The following CACNG3 variants were observed in gnomAD, a reference collection of about 807,000 sequenced individuals.
The protein encoded by CACNG3 is voltage-dependent calcium channel gamma-3 subunit.
Under a neutral mutation model 28.5 loss-of-function variants are expected in CACNG3, and 3 were observed. The observed-to-expected ratio is 0.11, with a 90% CI of 0.05 to 0.27. The LOEUF is 0.27. CACNG3 is among the 10% of genes least tolerant of loss of function. The probability of loss-of-function intolerance (pLI) is 1.00; values close to 1 mark genes in which losing one functional copy is unlikely to be tolerated. For synonymous variants in CACNG3, 174 were observed against 162.2 expected, an observed-to-expected ratio of 1.07 and a Z score of -0.55; for missense variants, 236 against 414.4, an observed-to-expected ratio of 0.57 and a Z score of 3.74.
At chr16:24,299,370 C>T (rs1242990505) in intron 1 of CACNG3, among the ~76,000 whole-genome samples, 2 of 152,126 alleles carry the variant, frequency 1.3e-5, no homozygotes, top group Non-Finnish European at 2.9e-5. Flanking sequence ...TTGAAGCAGC[C>T]CCCATCAATG....
At chr16:24,317,627 ACAGACAGAAAGAAAGAAAAGAAAAGAAAG>A (rs1899384813) in intron 1 of CACNG3, among the ~76,000 whole-genome samples, 2 of 44,430 alleles carry the variant, frequency 4.5e-5, no homozygotes, top group African/African-American at 1.9e-4. Flanking sequence ...AGAAAGAAAG[ACAGACAGAAAGAAAGAAAAGAAAAGAAAG>A]AAAGAAAGAA....
intron 1 of CACNG3, among the ~76,000 whole-genome samples, chr16:24,318,780 A>G (rs1899420521): frequency 6.6e-6 from 1 of 152,182 alleles, no homozygotes; most frequent in Admixed American, 6.6e-5. Context: ...TCCTTGAAGC[A>G]TGGATTATCT....
chr16:24,361,309 C>T lies in CACNG3; in HGVS notation c.437-43C>T, dbSNP rs761934623. ...TAAGATGGAAAGTGACAGTTCTCTC[C>T]GAGGTGTATAAAGGACGTGTTTTTC... is the stretch of plus-strand genomic sequence containing the variant. On this transcript the variant is annotated intron_variant, in intron 3 of 3. Coordinates refer to ENST00000005284, the MANE Select transcript of CACNG3 (RefSeq NM_006539.4). The surrounding 1 kb of genome is among the most constrained non-coding windows in gnomAD (Gnocchi z 6.8). 2.1e-5 allele frequency: 30 copies of T among 1,411,020 alleles called. No homozygotes were observed. The highest frequency in any genetic ancestry group is 2.9e-5 in the African/African-American group (2 of 69,328). 87.4% of individuals were successfully genotyped at this position (1,411,020 alleles called of 1,614,324 possible).
intron 1 of CACNG3, 91 bp from the exon 2 acceptor site, chr16:24,346,639 CAGAG>C (rs1899871566): frequency 1.2e-6 from 1 of 822,700 alleles, no homozygotes; most frequent in Non-Finnish European, 2.0e-6. Flanking sequence ...CCCCAACAAC[CAGAG>C]AAAGGATCTG....
intron 1 of CACNG3, among the ~76,000 whole-genome samples, chr16:24,328,694 G>A (rs1040807639): frequency 6.6e-6 from 1 of 152,106 alleles, no homozygotes. Flanking sequence ...AGGACCTGAC[G>A]GCCCCGTGAA....
At chr16:24,337,597 G>A (rs1359853678) in intron 1 of CACNG3, among the ~76,000 whole-genome samples, 3 of 151,986 alleles carry the variant, frequency 2.0e-5, no homozygotes, top group African/African-American at 7.2e-5. Flanking sequence ...CAGGAGGATA[G>A]CTTGAGCTCA....
intron 1 of CACNG3, among the ~76,000 whole-genome samples, chr16:24,259,824 A>T (rs1316581277): frequency 6.6e-6 from 1 of 152,212 alleles, no homozygotes; most frequent in Non-Finnish European, 1.5e-5. Flanking sequence ...AAAAATATTC[A>T]AGAATAAGCA....
intron 1 of CACNG3, among the ~76,000 whole-genome samples, chr16:24,275,894 G>A (rs201315464): frequency 1.6e-4 from 25 of 152,174 alleles, no homozygotes; most frequent in East Asian, 7.7e-4. Flanking sequence ...CCCATTCAAC[G>A]TGCAGGATTA....
intron 1 of CACNG3, among the ~76,000 whole-genome samples, chr16:24,295,699 A>G (rs75900057): frequency 6.6e-6 from 1 of 152,056 alleles, no homozygotes; most frequent in Non-Finnish European, 1.5e-5. Flanking sequence ...ATTAAAAAAA[A>G]TTAGCTGAGT....
chr16:24,356,772 TGTTCTCA>T (rs1467139918), intron 3 of CACNG3, among the ~76,000 whole-genome samples: 2 of 152,196 alleles, frequency 1.3e-5, no homozygotes, highest in Non-Finnish European at 2.9e-5. Flanking sequence ...TGTATTAGTT[TGTTCTCA>T]CACTGCTAAT....
chr16:24,348,189 G>A (rs1899895198), intron 2 of CACNG3, among the ~76,000 whole-genome samples: 1 of 152,124 alleles, frequency 6.6e-6, no homozygotes, highest in African/African-American at 2.4e-5. Context: ...CTTGAAGCCA[G>A]GAGTTCAAGA....
At chr16:24,334,936 C>G (rs1203216532) in intron 1 of CACNG3, among the ~76,000 whole-genome samples, 2 of 152,146 alleles carry the variant, frequency 1.3e-5, no homozygotes, top group Non-Finnish European at 2.9e-5. Flanking sequence ...AAGGCCATAC[C>G]CTCCAATTTC....
chr16:24,354,986 C>T lies in CACNG3; in HGVS notation c.436+13C>T. 2 of 1,608,946 alleles carry T rather than the reference C, an allele frequency of 1.2e-6. No homozygotes were observed. Among genetic ancestry groups the T allele is most frequent in the East Asian group, 2.2e-5 (1 of 44,752 alleles). ...TTTGTCTCTGCAGGTGAGTGTCTGG[C>T]CCCAGCCCTGAGATCTTCACAGATA... is the stretch of plus-strand genomic sequence containing the variant. On this transcript the variant is annotated intron_variant, in intron 3 of 3. Transcript: ENST00000005284.
chr16:24,285,694 T>A (rs1179123749), intron 1 of CACNG3, among the ~76,000 whole-genome samples: 2 of 151,898 alleles, frequency 1.3e-5, no homozygotes, highest in African/African-American at 4.8e-5. Flanking sequence ...GTAAAATAAG[T>A]AATTATATAT....
At chr16:24,294,343 G>A (rs1270674173) in intron 1 of CACNG3, among the ~76,000 whole-genome samples, 1 of 152,210 alleles carries the variant, frequency 6.6e-6, no homozygotes, top group African/African-American at 2.4e-5. Context: ...AGAGTCGCCT[G>A]TGCCAAGGCC....
At chr16:24,274,428 TTGGTTATTACCATTTTCCTGGGA>T (rs1898727931) in intron 1 of CACNG3, among the ~76,000 whole-genome samples, 1 of 152,220 alleles carries the variant, frequency 6.6e-6, no homozygotes, top group African/African-American at 2.4e-5. Context: ...TAATTTGGTG[TTGGTTATTACCATTTTCCTGGGA>T]TAAATAGATT....
chr16:24,257,309 G>T (rs745878764), intron 1 of CACNG3, among the ~76,000 whole-genome samples: 10 of 139,626 alleles, frequency 7.2e-5, no homozygotes, highest in Non-Finnish European at 1.5e-4. Flanking sequence ...GCTTAAATTG[G>T]ATTTCGAAGG....
intron 1 of CACNG3, among the ~76,000 whole-genome samples, chr16:24,282,192 G>A (rs1250575202): frequency 6.6e-6 from 1 of 152,198 alleles, no homozygotes; most frequent in Admixed American, 6.5e-5. Flanking sequence ...GGAAATGGAG[G>A]TTCAGGTTGA....
intron 1 of CACNG3, among the ~76,000 whole-genome samples, chr16:24,306,892 C>T (rs1438065805): frequency 6.6e-6 from 1 of 152,060 alleles, no homozygotes; most frequent in South Asian, 2.1e-4. Flanking sequence ...CAAGACTGGC[C>T]CCTTAGTCTG....
Sources: allele counts gnomAD v4.1 joint callset (sites outside exome capture counted in the v4.1 genomes callset), GRCh38; gene constraint gnomAD v4.1.1; non-coding constraint Gnocchi (gnomAD v3.1); transcripts MANE v1.5; gene names NCBI Gene and HGNC (gene_info 2026-07-23, HGNC 2026-07-21).